IPO7: variants seen among roughly 807,000 people sequenced by gnomAD.
IPO7 encodes the protein importin-7.
A neutral mutation model predicts 136.4 loss-of-function variants in IPO7; 13 were observed. That is an observed-to-expected ratio of 0.10 (90% CI 0.06 to 0.15). IPO7 has a LOEUF of 0.15. Ranked by LOEUF, IPO7 falls within the 10% of genes least tolerant of loss-of-function variation. IPO7 has a pLI of 1.00. For missense variants in IPO7, 857 were observed against 1,240.6 expected (o/e 0.69, Z 4.65); for synonymous variants, 403 against 404.4 (o/e 1.00, Z 0.04).
At chr11:9,420,536 T>C (rs769144722) in intron 7 of IPO7, 31 bp downstream of exon 7, 2 of 1,573,414 alleles carry the variant, frequency 1.3e-6, no homozygotes, top group South Asian at 2.2e-5. Flanking sequence ...TGATTTAAAT[T>C]AATTTATTAA....
chr11:9,432,135 A>G (rs1209073347), intron 16 of IPO7, among the ~76,000 whole-genome samples: 3 of 151,576 alleles, frequency 2.0e-5, no homozygotes, highest in Admixed American at 6.6e-5. Context: ...CTTGTAATGT[A>G]TCTCTTATCC....
chr11:9,438,472 A>G (rs1855414559), intron 22 of IPO7, among the ~76,000 whole-genome samples, 187 bp downstream of exon 22: 1 of 152,014 alleles, frequency 6.6e-6, no homozygotes, highest in Non-Finnish European at 1.5e-5. Context: ...TAAAAATACA[A>G]AAATTAGCTG....
At chr11:9,416,921 C>T in intron 5 of IPO7, 138 bp from the exon 6 acceptor site, 1 of 456,400 alleles carries the variant, frequency 2.2e-6, no homozygotes. Context: ...AGATAACAAG[C>T]AAAGAAGTTT....
At chr11:9,401,838 T>A (rs1241532626) in intron 1 of IPO7, among the ~76,000 whole-genome samples, 3 of 152,204 alleles carry the variant, frequency 2.0e-5, no homozygotes, top group Non-Finnish European at 4.4e-5. Context: ...CAGTCAGTTT[T>A]CACAGACTGA....
intron 1 of IPO7, among the ~76,000 whole-genome samples, chr11:9,386,658 C>T (rs1340986353): frequency 1.3e-5 from 2 of 152,084 alleles, no homozygotes; most frequent in Non-Finnish European, 2.9e-5. Context: ...ATTTATTCCT[C>T]AAATAGACAT....
chr11:9,417,799 G>A (rs1225914650), intron 6 of IPO7, among the ~76,000 whole-genome samples: 2 of 149,366 alleles, frequency 1.3e-5, no homozygotes, highest in African/African-American at 2.5e-5. Flanking sequence ...TGCAACCTCC[G>A]CCTCCCAGGT....
intron 16 of IPO7, among the ~76,000 whole-genome samples, chr11:9,431,789 C>T (rs1404372472): frequency 1.3e-5 from 2 of 152,146 alleles, no homozygotes; most frequent in East Asian, 1.9e-4. Flanking sequence ...GCCTAGCCAA[C>T]GTGGTGAAAC....
intron 1 of IPO7, among the ~76,000 whole-genome samples, chr11:9,393,542 G>A (rs923167409): frequency 2.0e-5 from 3 of 151,972 alleles, no homozygotes; most frequent in South Asian, 4.2e-4. Flanking sequence ...CACCACGTCC[G>A]GCTAATTTTT....
chr11:9,428,706 T>A, intron 13 of IPO7, 77 bp downstream of exon 13: 1 of 851,860 alleles, frequency 1.2e-6, no homozygotes, highest in South Asian at 1.3e-5. Flanking sequence ...ATTGAAACTT[T>A]TAAATGTTCA....
chr11:9,389,160 C>G (rs1397125041), intron 1 of IPO7, among the ~76,000 whole-genome samples: 3 of 152,008 alleles, frequency 2.0e-5, no homozygotes, highest in East Asian at 1.9e-4. Flanking sequence ...TCAAGCGATT[C>G]TCAGTCCTCA....
At chr11:9,394,824 A>G (rs1445742485) in intron 1 of IPO7, among the ~76,000 whole-genome samples, 1 of 152,136 alleles carries the variant, frequency 6.6e-6, no homozygotes, top group African/African-American at 2.4e-5. Flanking sequence ...TTTGTTGAAG[A>G]ATTTTGATGA....
At chr11:9,441,347 C>T (rs1855457494) in intron 23 of IPO7, among the ~76,000 whole-genome samples, 1 of 152,178 alleles carries the variant, frequency 6.6e-6, no homozygotes, top group Non-Finnish European at 1.5e-5. Flanking sequence ...ACTTGGATTT[C>T]AACAAGGTAT....
chr11:9,426,339 A>G (rs998628503), intron 12 of IPO7, among the ~76,000 whole-genome samples: 2 of 152,200 alleles, frequency 1.3e-5, no homozygotes, highest in Admixed American at 6.5e-5. Context: ...TCTGTGTTAT[A>G]GCAGGTTTCA....
At chr11:9,385,502 T>C (rs1024078678) in intron 1 of IPO7, among the ~76,000 whole-genome samples, 1 of 152,202 alleles carries the variant, frequency 6.6e-6, no homozygotes, top group African/African-American at 2.4e-5. Context: ...AGCTGGCTTA[T>C]GTAGTGGGAA....
chr11:9,419,559 AATATAT>A lies in IPO7; in HGVS notation c.727-829_727-824del, dbSNP rs1244588095. Reference sequence around the variant, plus strand: ...GAGACTCTGTCTAAAAAAAAAAAAAAATATATATATATATATATATATATATATGTT... The same window carrying A: ...GAGACTCTGTCTAAAAAAAAAAAAAAATATATATATATATATATATATGTT... On this transcript the variant is annotated intron_variant, in intron 6 of 24. Coordinates refer to ENST00000379719, the MANE Select transcript of IPO7 (RefSeq NM_006391.3). Among the ~76,000 whole-genome samples the A allele has an allele frequency of 2.7e-4, 31 of 116,820 alleles. 1 individual carries two copies. The highest frequency in any genetic ancestry group is 8.2e-3 in the Middle Eastern group (2 of 244). The allele number at this position is 116,820 out of a possible 152,430, so 76.6% of individuals were successfully genotyped here. A position where few individuals can be genotyped will look rare whatever the true frequency, so the allele number is the denominator to read the frequency against.
At chr11:9,428,183 G>A (rs1855240369) in intron 12 of IPO7, among the ~76,000 whole-genome samples, 1 of 151,860 alleles carries the variant, frequency 6.6e-6, no homozygotes, top group Admixed American at 6.6e-5. Context: ...TTGAAAGCAG[G>A]ATTTTTCTCA....
chr11:9,405,886 T>TTC (rs1564994529), intron 2 of IPO7, among the ~76,000 whole-genome samples: 1 of 151,830 alleles, frequency 6.6e-6, no homozygotes, highest in Non-Finnish European at 1.5e-5. Flanking sequence ...TTTCCCTCCT[T>TTC]CTCTTCCTTC....
At position 9,447,203 on chromosome 11, in the gene IPO7, A is replaced by C. The variant is rs536569193; in HGVS notation, c.*2009A>C. The C allele has an allele frequency of 4.6e-5, 7 of 152,286 alleles. No individual in the cohort carries two copies. Among genetic ancestry groups the C allele is most frequent in the African/African-American group, 1.7e-4 (7 of 41,566 alleles). 9.4% of individuals were successfully genotyped at this position (152,286 alleles called of 1,614,324 possible). A position where few individuals can be genotyped will look rare whatever the true frequency, so the allele number is the denominator to read the frequency against. On this transcript the variant is annotated 3_prime_UTR_variant, in exon 25 of 25. Coordinates refer to ENST00000379719, the MANE Select transcript of IPO7 (RefSeq NM_006391.3). ...TAATTCTAATTTTCACATTATTGTTAATGGAAAATCATATCTAATAAAGGT... is the reference window on the plus strand; with the variant it reads ...TAATTCTAATTTTCACATTATTGTTCATGGAAAATCATATCTAATAAAGGT...
At chr11:9,425,828 G>A (rs887181638) in intron 12 of IPO7, among the ~76,000 whole-genome samples, 6 of 150,894 alleles carry the variant, frequency 4.0e-5, no homozygotes, top group Admixed American at 1.3e-4. Context: ...GCAGTGAGCC[G>A]AGATCACGCC....
Sources: gnomAD v4.1 joint callset for allele counts (sites outside exome capture counted in the v4.1 genomes callset) on GRCh38, gnomAD v4.1.1 for gene constraint, MANE v1.5 for transcripts, NCBI Gene and HGNC (gene_info 2026-07-23, HGNC 2026-07-21) for gene names.